The following SNTG1 variants were observed in gnomAD, a reference collection of about 807,000 sequenced individuals.
The protein encoded by SNTG1 is syntrophin gamma 1, also known as gamma-1-syntrophin.
SNTG1 carries 39 observed loss-of-function variants against 74.7 expected under a neutral mutation model. The ratio of observed to expected loss-of-function variants is 0.52; its 90% confidence interval spans 0.40 to 0.68. The LOEUF (loss-of-function observed/expected upper bound fraction) is 0.68. Ranked by LOEUF, SNTG1 falls within the 30% of genes least tolerant of loss-of-function variation. SNTG1 has a pLI of 0.00. For missense variants in SNTG1, 685 were observed against 609.5 expected, an observed-to-expected ratio of 1.12 and a Z score of -1.30; for synonymous variants, 254 against 217.1, an observed-to-expected ratio of 1.17 and a Z score of -1.49.
intron 1 of SNTG1, among the ~76,000 whole-genome samples, chr8:50,102,812 A>G (rs1586279562): frequency 6.7e-6 from 1 of 150,298 alleles, no homozygotes; most frequent in African/African-American, 2.5e-5. Flanking sequence ...TTTATTAAAT[A>G]GGGAATCCTT....
chr8:50,262,094 C>T (rs1385219409), intron 2 of SNTG1, among the ~76,000 whole-genome samples: 1 of 151,998 alleles, frequency 6.6e-6, no homozygotes, highest in Non-Finnish European at 1.5e-5. Flanking sequence ...GATTAAATAA[C>T]ATATTTCTAA....
chr8:50,109,597 C>T (rs2080505035), intron 1 of SNTG1, among the ~76,000 whole-genome samples: 2 of 152,152 alleles, frequency 1.3e-5, no homozygotes, highest in South Asian at 2.1e-4. Flanking sequence ...GAATACCCTA[C>T]TATAATTCCT....
At chr8:50,457,754 TG>T (rs1404233152) in intron 8 of SNTG1, among the ~76,000 whole-genome samples, 1 of 152,080 alleles carries the variant, frequency 6.6e-6, no homozygotes, top group Non-Finnish European at 1.5e-5. Flanking sequence ...CAATCGCGAA[TG>T]GGAGTGTTGA....
intron 1 of SNTG1, among the ~76,000 whole-genome samples, chr8:50,013,939 T>A (rs1191770613): frequency 6.6e-6 from 1 of 152,130 alleles, no homozygotes; most frequent in Admixed American, 6.6e-5. Flanking sequence ...TCTAACTCAA[T>A]GTTAATGTGA....
At chr8:50,554,784 A>G (rs955522593) in intron 12 of SNTG1, among the ~76,000 whole-genome samples, 3 of 152,202 alleles carry the variant, frequency 2.0e-5, no homozygotes, top group African/African-American at 7.2e-5. Context: ...TAAACACAGA[A>G]AAATACCTGA....
chr8:50,121,156 A>G (rs1032628611), intron 1 of SNTG1, among the ~76,000 whole-genome samples: 4 of 142,840 alleles, frequency 2.8e-5, no homozygotes, highest in African/African-American at 1.0e-4. Flanking sequence ...ATTATTTTTT[A>G]TACGTAAGTG....
Position 50,672,529 on chromosome 8 carries a change from G to T in SNTG1, c.1038+13866G>T, listed in dbSNP as rs2095289256. Among the ~76,000 whole-genome samples, 3 of 19,760 alleles carry T rather than the reference G, an allele frequency of 1.5e-4. No individual in the cohort carries two copies. In the South Asian group the frequency reaches 5.6e-3, roughly 37 times the overall value. 13.0% of individuals were successfully genotyped at this position (19,760 alleles called of 152,430 possible). On this transcript the variant is annotated intron_variant, in intron 15 of 18. Transcript: ENST00000642720. ...TATCCTCTGCACACTTTTTGATGGG[G>T]TTGTTTGTTTTTTTTCTTGTAAATT...
At chr8:50,079,881 G>C (rs1822246877) in intron 1 of SNTG1, among the ~76,000 whole-genome samples, 1 of 152,062 alleles carries the variant, frequency 6.6e-6, no homozygotes, top group Non-Finnish European at 1.5e-5. Flanking sequence ...TATTTCTGAG[G>C]CTTCTGTTCT....
chr8:49,964,146 A>G (rs545173021), intron 1 of SNTG1, among the ~76,000 whole-genome samples: 2 of 152,210 alleles, frequency 1.3e-5, no homozygotes, highest in Non-Finnish European at 2.9e-5. Flanking sequence ...CTGTAAAGGT[A>G]TTTTTTAGAT....
chr8:50,158,010 G>C (rs962843234), intron 1 of SNTG1, among the ~76,000 whole-genome samples: 3 of 152,040 alleles, frequency 2.0e-5, no homozygotes, highest in African/African-American at 7.2e-5. Context: ...CAACTGTCCT[G>C]GCAAATTGTA....
At chr8:50,611,346 G>T (rs2094848477) in intron 13 of SNTG1, among the ~76,000 whole-genome samples, 1 of 152,124 alleles carries the variant, frequency 6.6e-6, no homozygotes, top group Non-Finnish European at 1.5e-5. Context: ...TTCGTGAGCT[G>T]CATAAAAGTG....
intron 15 of SNTG1, among the ~76,000 whole-genome samples, chr8:50,702,393 C>G (rs1171168043): frequency 6.6e-6 from 1 of 152,134 alleles, no homozygotes; most frequent in Non-Finnish European, 1.5e-5. Flanking sequence ...TGAGCATCTA[C>G]TGGCAGCAAG....
At chr8:50,204,370 A>T (rs1469773211) in intron 2 of SNTG1, among the ~76,000 whole-genome samples, 1 of 152,064 alleles carries the variant, frequency 6.6e-6, no homozygotes, top group African/African-American at 2.4e-5. Flanking sequence ...TTATGTTCCA[A>T]GTAGATTATC....
chr8:50,428,404 A>G (rs1449904522), intron 4 of SNTG1, among the ~76,000 whole-genome samples: 1 of 152,216 alleles, frequency 6.6e-6, no homozygotes, highest in Non-Finnish European at 1.5e-5. Context: ...AGAATTCACC[A>G]CTAACTGACC....
chr8:50,211,666 C>T (rs1213834220), intron 2 of SNTG1, among the ~76,000 whole-genome samples: 1 of 152,020 alleles, frequency 6.6e-6, no homozygotes, highest in Non-Finnish European at 1.5e-5. Context: ...TGAACTGAGC[C>T]ATAAGATTCC....
intron 2 of SNTG1, among the ~76,000 whole-genome samples, chr8:50,357,277 C>T (rs2091845391): frequency 1.3e-5 from 2 of 152,222 alleles, no homozygotes; most frequent in Admixed American, 1.3e-4. Context: ...TCTTCTACAT[C>T]CCTGTATTCC....
chr8:50,631,926 C>T (rs1438925647), intron 13 of SNTG1, among the ~76,000 whole-genome samples: 13 of 152,288 alleles, frequency 8.5e-5, no homozygotes, highest in East Asian at 5.8e-4. Flanking sequence ...TCAATGCTCA[C>T]GTCTGCTATA....
intron 15 of SNTG1, among the ~76,000 whole-genome samples, chr8:50,676,354 G>C (rs1328368886): frequency 6.6e-6 from 1 of 151,750 alleles, no homozygotes; most frequent in Non-Finnish European, 1.5e-5. Flanking sequence ...TTTTCTGTAT[G>C]GCTTATTTCA....
At chr8:49,966,959 G>GC (rs1563406903) in intron 1 of SNTG1, among the ~76,000 whole-genome samples, 1 of 151,966 alleles carries the variant, frequency 6.6e-6, no homozygotes, top group African/African-American at 2.4e-5. Context: ...AAATTTGCTA[G>GC]CAAGATTTTT....
Sources: gnomAD v4.1 joint callset for allele counts (sites outside exome capture counted in the v4.1 genomes callset) on GRCh38, gnomAD v4.1.1 for gene constraint, MANE v1.5 for transcripts, NCBI Gene and HGNC (gene_info 2026-07-23, HGNC 2026-07-21) for gene names.